SUPT3H: variants seen among roughly 807,000 people sequenced by gnomAD.
SUPT3H encodes the protein SPT3 homolog, SAGA and STAGA complex component, also known as transcription initiation protein SPT3 homolog.
A neutral mutation model predicts 44.3 loss-of-function variants in SUPT3H; 44 were observed. The ratio of observed to expected loss-of-function variants is 0.99; its 90% CI spans 0.78 to 1.28. SUPT3H has a LOEUF of 1.28. Ranked by LOEUF, SUPT3H falls within the 50% of genes most tolerant of loss-of-function variation. SUPT3H has a pLI of 0.00. For synonymous variants in SUPT3H, 124 were observed against 125.6 expected (o/e 0.99, Z 0.09); for missense variants, 380 against 387.1 (o/e 0.98, Z 0.15).
intron 6 of SUPT3H, among the ~76,000 whole-genome samples, chr6:44,979,755 A>C (rs1371574935): frequency 6.6e-6 from 1 of 152,186 alleles, no homozygotes; most frequent in African/African-American, 2.4e-5. Flanking sequence ...AGTTCATTTC[A>C]TTGGCACAAA....
chr6:44,828,867 T>TAATC lies in SUPT3H; in HGVS notation c.*945_*948dup, dbSNP rs1382459605. 6.6e-6 allele frequency: 1 copy of TAATC among 152,656 alleles called. No individual in the cohort carries two copies. Among genetic ancestry groups the TAATC allele is most frequent in the African/African-American group, 2.4e-5 (1 of 41,468 alleles). The allele number at this position is 152,656 out of a possible 1,614,324, so 9.5% of individuals were successfully genotyped here. ...AACTTTCTTTTTTGCAACTGAAGTT[T>TAATC]AATCAGGAACTGTACAATTACATCT... On this transcript the variant is annotated 3_prime_UTR_variant, in exon 11 of 11. Transcript: ENST00000371459.
intron 3 of SUPT3H, among the ~76,000 whole-genome samples, chr6:45,068,914 T>G (rs1014461072): frequency 1.3e-5 from 2 of 151,894 alleles, no homozygotes; most frequent in Non-Finnish European, 2.9e-5. Context: ...TATCCCTTGA[T>G]TATAAAACCC....
chr6:45,007,769 A>G (rs1268990084), intron 5 of SUPT3H, among the ~76,000 whole-genome samples: 1 of 146,722 alleles, frequency 6.8e-6, no homozygotes, highest in Admixed American at 6.8e-5. Flanking sequence ...GATGGGATTC[A>G]GTTGTAATGT....
At chr6:44,982,242 G>T (rs530348525) in intron 6 of SUPT3H, among the ~76,000 whole-genome samples, 1 of 150,472 alleles carries the variant, frequency 6.6e-6, no homozygotes, top group South Asian at 2.1e-4. Flanking sequence ...CTTTTTTTTT[G>T]AGATGGAGTC....
chr6:44,884,447 G>A (rs562258124), intron 10 of SUPT3H, among the ~76,000 whole-genome samples: 43 of 152,122 alleles, frequency 2.8e-4, no homozygotes, highest in Non-Finnish European at 5.3e-4. Flanking sequence ...ACAGTGTGGC[G>A]ATTCCTCCAG....
chr6:45,261,267 A>C (rs1774320000), intron 2 of SUPT3H, among the ~76,000 whole-genome samples: 1 of 150,756 alleles, frequency 6.6e-6, no homozygotes, highest in South Asian at 2.1e-4. Context: ...GAGACACAAC[A>C]AAAAAAGAAA....
At chr6:45,136,073 G>A (rs946783685) in intron 2 of SUPT3H, among the ~76,000 whole-genome samples, 7 of 152,166 alleles carry the variant, frequency 4.6e-5, no homozygotes, top group Non-Finnish European at 7.3e-5. Flanking sequence ...TAAGAGCCAT[G>A]AAAAACTTAA....
chr6:44,825,585 CATATCTGGT>C (rs1767680773), downstream of SUPT3H, among the ~76,000 whole-genome samples: 2 of 152,174 alleles, frequency 1.3e-5, no homozygotes, highest in Non-Finnish European at 2.9e-5. Context: ...GGCAACAGGG[CATATCTGGT>C]AGTGGGGCTG....
intron 9 of SUPT3H, among the ~76,000 whole-genome samples, chr6:44,937,163 G>A (rs1279621659): frequency 1.3e-5 from 2 of 152,064 alleles, no homozygotes; most frequent in Non-Finnish European, 2.9e-5. Context: ...TAATGAGATT[G>A]CTGGATTGAA....
intron 10 of SUPT3H, among the ~76,000 whole-genome samples, chr6:44,848,645 A>T (rs1307427642): frequency 6.6e-6 from 1 of 152,170 alleles, no homozygotes; most frequent in African/African-American, 2.4e-5. Flanking sequence ...TTACAATTAT[A>T]AGAGAGTCTT....
intron 2 of SUPT3H, chr6:45,322,781 T>C: frequency 1.2e-6 from 1 of 838,038 alleles, no homozygotes; most frequent in Non-Finnish European, 2.0e-6. Context: ...TTTTAAAGGC[T>C]GTGTGTGGTC....
chr6:44,852,666 CATACTATTTTCATAGAAGAACAGCTAT>C (rs1198298255), intron 10 of SUPT3H, among the ~76,000 whole-genome samples: 4 of 152,156 alleles, frequency 2.6e-5, no homozygotes, highest in African/African-American at 9.7e-5. Context: ...ATTTGGAGAA[CATACTATTTTCATAGAAGAACAGCTAT>C]GGTAAATTCT....
At chr6:45,065,054 T>TGGGAAGTAAAGCTCTCCTCA (rs1793004539) in intron 3 of SUPT3H, among the ~76,000 whole-genome samples, 1 of 150,828 alleles carries the variant, frequency 6.6e-6, no homozygotes. Context: ...GACCACATAC[T>TGGGAAGTAAAGCTCTCCTCA]GGGAAGTAAA....
At chr6:45,103,458 G>A (rs955790187) in intron 3 of SUPT3H, among the ~76,000 whole-genome samples, 5 of 151,630 alleles carry the variant, frequency 3.3e-5, no homozygotes, top group African/African-American at 1.2e-4. Context: ...ATTCAAAAGG[G>A]GTTTATAACC....
At position 45,095,714 on chromosome 6, in the gene SUPT3H, G is replaced by T. The variant is rs772046490; in HGVS notation, c.186+10208C>A. Among the ~76,000 whole-genome samples, 169 of 152,238 alleles carry T rather than the reference G, an allele frequency of 1.1e-3. 2 individuals are homozygous for T. Among genetic ancestry groups the T allele is most frequent in the Middle Eastern group, 0.01 (3 of 294 alleles). ...TGATATTTAACTTTGAATGAACAGAGAAATGAAAGCAGCTATATAGCCATC... is the reference window on the plus strand; with the variant it reads ...TGATATTTAACTTTGAATGAACAGATAAATGAAAGCAGCTATATAGCCATC... On this transcript the variant is annotated intron_variant, in intron 3 of 10. Transcript: ENST00000371459. This position sits in a 1 kb window ranked among gnomAD's most constrained non-coding sequence, Gnocchi z 4.1.
intron 4 of SUPT3H, among the ~76,000 whole-genome samples, chr6:45,017,123 T>G (rs1225967333): frequency 2.6e-5 from 4 of 151,604 alleles, no homozygotes; most frequent in South Asian, 2.1e-4. Flanking sequence ...TCATGTGTCT[T>G]TTGGCTGCAT....
chr6:44,835,333 TTAAC>T (rs1345815750), intron 10 of SUPT3H, among the ~76,000 whole-genome samples: 1 of 152,172 alleles, frequency 6.6e-6, no homozygotes, highest in Admixed American at 6.5e-5. Flanking sequence ...TAACTCCTAA[TTAAC>T]TAAGTATAGA....
downstream of SUPT3H, among the ~76,000 whole-genome samples, chr6:44,824,886 T>C (rs997335714): frequency 6.6e-6 from 1 of 152,224 alleles, no homozygotes; most frequent in African/African-American, 2.4e-5. Context: ...CACACAAACA[T>C]GTCAGGCTGG....
In SUPT3H at chr6:45,243,406, T is replaced by C. The variant is rs375292394; in HGVS notation, c.101+121795A>G. ...AATAAAAATTTGAATGAAAATCAAA[T>C]AGAAAACAGACCAAAAACACAGAAA... is the stretch of plus-strand genomic sequence containing the variant. On this transcript the variant is annotated intron_variant, in intron 2 of 10. Coordinates refer to ENST00000371459, the MANE Select transcript of SUPT3H (RefSeq NM_003599.4). Among the ~76,000 whole-genome samples, 32 of 151,998 alleles carry C rather than the reference T, an allele frequency of 2.1e-4. 1 individual carries two copies. In the East Asian group the frequency reaches 4.2e-3, roughly 20 times the overall value.
Sources: allele counts gnomAD v4.1 joint callset (sites outside exome capture counted in the v4.1 genomes callset), GRCh38; gene constraint gnomAD v4.1.1; non-coding constraint Gnocchi (gnomAD v3.1); transcripts MANE v1.5; gene names NCBI Gene and HGNC (gene_info 2026-07-23, HGNC 2026-07-21).